The following CRLF3 variants were observed in gnomAD, a reference collection of about 807,000 sequenced individuals.
CRLF3 encodes cytokine receptor like factor 3.
Under a neutral mutation model 55.0 loss-of-function variants are expected in CRLF3, and 33 were observed. The ratio of observed to expected loss-of-function variants is 0.60; its 90% confidence interval spans 0.46 to 0.80. The LOEUF (loss-of-function observed/expected upper bound fraction) is 0.80, where lower values mean the gene tolerates loss of function less well. CRLF3 is among the 30% of genes least tolerant of loss of function. The pLI is 0.00. For synonymous variants in CRLF3, 238 were observed against 196.8 expected, an observed-to-expected ratio of 1.21 and a Z score of -1.75; for missense variants, 494 against 538.4, an observed-to-expected ratio of 0.92 and a Z score of 0.82.
chr17:30,809,959 C>T (rs1398852891), intron 1 of CRLF3: 1 of 152,124 alleles, frequency 6.6e-6, no homozygotes, highest in Non-Finnish European at 1.5e-5. Flanking sequence ...CCATAGAACA[C>T]TATTTTAAAA....
chr17:30,793,980 A>C lies in CRLF3; in HGVS notation c.604-308T>G, dbSNP rs141438009. On this transcript the variant is annotated intron_variant, in intron 4 of 7. Coordinates refer to ENST00000324238, the MANE Select transcript of CRLF3 (RefSeq NM_015986.4). ...CCACCCCACAAGTAGCTGGGATTTC[A>C]GGTGCACACCACCATGTCCGGCTAA... Among the ~76,000 whole-genome samples the C allele has an allele frequency of 1.2e-3, 184 of 152,192 alleles. 1 individual carries two copies. Among genetic ancestry groups the C allele is most frequent in the African/African-American group, 4.2e-3 (175 of 41,528 alleles).
intron 2 of CRLF3, among the ~76,000 whole-genome samples, chr17:30,799,767 A>C (rs1371591182): frequency 6.6e-6 from 1 of 151,886 alleles, no homozygotes; most frequent in African/African-American, 2.4e-5. Context: ...GGCCTCCCAA[A>C]GTGTTGTGAT....
intron 1 of CRLF3, among the ~76,000 whole-genome samples, chr17:30,811,010 G>A (rs1904599061): frequency 6.6e-6 from 1 of 152,210 alleles, no homozygotes; most frequent in East Asian, 1.9e-4. Flanking sequence ...GAACACTTGA[G>A]CCTGAGAGGT....
In CRLF3 at chr17:30,816,255, G is replaced by A. The variant is rs565694841; in HGVS notation, c.129+8268C>T. The stretch of plus-strand genomic sequence containing the variant: ...CGAGATCGCACCACTGCACTCTAGC[G>A]TGGGTGACAGAGCAAGACTCCATCT... On this transcript the variant is annotated intron_variant, in intron 1 of 7. Transcript: ENST00000324238. Among the ~76,000 whole-genome samples, 6 of 149,402 alleles carry A rather than the reference G, an allele frequency of 4.0e-5. No individual in the cohort carries two copies. In the South Asian group the frequency reaches 1.1e-3, roughly 26 times the overall value.
At chr17:30,797,687 T>A (rs1390992431) in intron 2 of CRLF3, among the ~76,000 whole-genome samples, 1 of 152,092 alleles carries the variant, frequency 6.6e-6, no homozygotes, top group African/African-American at 2.4e-5. Flanking sequence ...CCCAGGGACT[T>A]CTTTCCATCT....
At chr17:30,792,767 A>G in intron 5 of CRLF3, 195 bp from the exon 6 acceptor site, 1 of 467,720 alleles carries the variant, frequency 2.1e-6, no homozygotes, top group South Asian at 4.4e-5. Flanking sequence ...ATATTCCTGC[A>G]TAATTTTGAC....
chr17:30,784,758 A>ATTTTT, intron 7 of CRLF3: 1 of 182,716 alleles, frequency 5.5e-6, no homozygotes, highest in Non-Finnish European at 1.1e-5. Flanking sequence ...CACCAACACA[A>ATTTTT]TTTTTTTTTT....
chr17:30,803,644 G>A, intron 2 of CRLF3: 1 of 429,110 alleles, frequency 2.3e-6, no homozygotes, highest in Non-Finnish European at 4.2e-6. Flanking sequence ...ACTGTTCTTG[G>A]TAGTGAATAA....
chr17:30,797,319 CTGA>C lies in CRLF3; in HGVS notation c.414_416del (p.Ile138_Gln139delinsMet). The C allele has an allele frequency of 6.2e-7, 1 of 1,612,496 alleles. No individual in the cohort carries two copies. Among genetic ancestry groups the C allele is most frequent in the Non-Finnish European group, 8.5e-7 (1 of 1,178,478 alleles). On this transcript the variant is annotated inframe_deletion, in exon 3 of 8. Transcript: ENST00000324238. ...GGCACAAACTCTTTTACCTGTCCAA[CTGA>C]ATGTGCGAGGCCTTTTTGGTAAAGC...
At chr17:30,799,768 GTGT>G (rs921769858) in intron 2 of CRLF3, among the ~76,000 whole-genome samples, 1 of 152,044 alleles carries the variant, frequency 6.6e-6, no homozygotes, top group Non-Finnish European at 1.5e-5. Flanking sequence ...GCCTCCCAAA[GTGT>G]TGTGATTACA....
intron 6 of CRLF3, chr17:30,786,732 T>A (rs1309772908): frequency 6.6e-6 from 1 of 151,788 alleles, no homozygotes; most frequent in East Asian, 2.1e-4. Flanking sequence ...TGGAGTTTCA[T>A]CCTTGTTGCC....
At chr17:30,809,327 G>A (rs961170652) in intron 1 of CRLF3, among the ~76,000 whole-genome samples, 6 of 152,118 alleles carry the variant, frequency 3.9e-5, no homozygotes, top group African/African-American at 1.4e-4. Context: ...ACCACCATGG[G>A]ATCATTTTCT....
intron 6 of CRLF3, chr17:30,787,582 G>T (rs1157611125): frequency 6.6e-6 from 1 of 151,990 alleles, no homozygotes; most frequent in Non-Finnish European, 1.5e-5. Flanking sequence ...TCCAAAGACA[G>T]ATGTGATTAT....
intron 2 of CRLF3, among the ~76,000 whole-genome samples, chr17:30,798,699 C>T (rs1971960635): frequency 6.6e-6 from 1 of 151,658 alleles, no homozygotes; most frequent in Admixed American, 6.6e-5. Flanking sequence ...AGTAGCTGGG[C>T]ATAGTGGCAC....
rs534248376 is a variant in CRLF3 at position 30,789,661 on chromosome 17, AAAAT to A, written c.959+2775_959+2778del. Among the ~76,000 whole-genome samples the A allele has an allele frequency of 3.7e-3, 571 of 152,328 alleles. 1 individual carries two copies. The highest frequency in any genetic ancestry group is 5.4e-3 in the Non-Finnish European group (366 of 68,030). ...TCTATGCCTCAGTTTCCTCATCCCTAAAATAAATAACCCATCTATCTCACTGGGT... is the reference window on the plus strand; with the variant it reads ...TCTATGCCTCAGTTTCCTCATCCCTAAAATAACCCATCTATCTCACTGGGT... On this transcript the variant is annotated intron_variant, in intron 6 of 7. Transcript: ENST00000324238.
chr17:30,804,409 G>A (rs1317588121), intron 1 of CRLF3, among the ~76,000 whole-genome samples: 1 of 151,928 alleles, frequency 6.6e-6, no homozygotes, highest in African/African-American at 2.4e-5. Context: ...ATTAACTATT[G>A]TCCCTATCCT....
chr17:30,806,162 G>T (rs1174987693), intron 1 of CRLF3, among the ~76,000 whole-genome samples: 1 of 152,102 alleles, frequency 6.6e-6, no homozygotes, highest in Non-Finnish European at 1.5e-5. Flanking sequence ...CTGGGACAAT[G>T]ACTTAATCCT....
chr17:30,814,586 G>A (rs926094192), intron 1 of CRLF3, among the ~76,000 whole-genome samples: 1 of 151,778 alleles, frequency 6.6e-6, no homozygotes, highest in Non-Finnish European at 1.5e-5. Context: ...GAACCCGGGA[G>A]GCAGAGGTTA....
rs1971552372 is a variant in CRLF3 at position 30,783,542 on chromosome 17, G to C, written c.*645C>G. On this transcript the variant is annotated 3_prime_UTR_variant, in exon 8 of 8. Coordinates refer to ENST00000324238, the MANE Select transcript of CRLF3 (RefSeq NM_015986.4). The stretch of plus-strand genomic sequence containing the variant: ...TGAGGCAGGAGGATCGCTTGAACGT[G>C]GGAGGCAGAGGTTGCAGTGAACTGA... The C allele has an allele frequency of 6.6e-6, 1 of 152,188 alleles. No individual in the cohort carries two copies. The highest frequency in any genetic ancestry group is 1.5e-5 in the Non-Finnish European group (1 of 68,064). The allele number at this position is 152,188 out of a possible 1,614,324, so 9.4% of individuals were successfully genotyped here.
Sources: allele counts gnomAD v4.1 joint callset (sites outside exome capture counted in the v4.1 genomes callset), GRCh38; gene constraint gnomAD v4.1.1; transcripts MANE v1.5; gene names NCBI Gene and HGNC (gene_info 2026-07-23, HGNC 2026-07-21).